The following ANKRD36B variants were observed in gnomAD, a reference collection of about 807,000 sequenced individuals.
ANKRD36B encodes the protein ankyrin repeat domain-containing protein 36B.
In ANKRD36B, 37 loss-of-function variants were observed where a neutral mutation model predicts 135.7. That is an observed-to-expected ratio of 0.27 (90% CI 0.21 to 0.36). The LOEUF (loss-of-function observed/expected upper bound fraction) is 0.36. Among genes scored for constraint, ANKRD36B ranks in the 10% least tolerant of loss-of-function variants. The pLI is 1.00. For synonymous variants in ANKRD36B, 179 were observed against 348.1 expected (o/e 0.51, Z 5.41); for missense variants, 549 against 1,037.1 (o/e 0.53, Z 6.46).
chr2:97,552,698 C>G (rs1404470361), intron 16 of ANKRD36B, among the ~76,000 whole-genome samples: 1 of 151,856 alleles, frequency 6.6e-6, no homozygotes, highest in South Asian at 2.1e-4. Context: ...CTGACAATCC[C>G]TCGTCCTTGG....
chr2:97,547,423 G>A (rs1453395265), intron 22 of ANKRD36B, 113 bp downstream of exon 22: 5 of 1,142,716 alleles, frequency 4.4e-6, no homozygotes, highest in Non-Finnish European at 4.9e-6. Flanking sequence ...AGAATCTCAG[G>A]ACTGCTGAAT....
At chr2:97,575,689 T>A (rs1042567311) in intron 6 of ANKRD36B, among the ~76,000 whole-genome samples, 1 of 150,806 alleles carries the variant, frequency 6.6e-6, no homozygotes, top group African/African-American at 2.4e-5. Flanking sequence ...AATAAAAAAT[T>A]AAGTAAAACA....
chr2:97,564,780 G>A (rs1007977539), intron 6 of ANKRD36B, among the ~76,000 whole-genome samples: 3 of 152,102 alleles, frequency 2.0e-5, no homozygotes, highest in African/African-American at 7.2e-5. Flanking sequence ...CTGTAGCCTT[G>A]TAGTATAGTT....
At position 97,589,819 on chromosome 2, in the gene ANKRD36B, C is replaced by T. The variant is rs28415903; in HGVS notation, c.-134G>A. On this transcript the variant is annotated 5_prime_UTR_variant, in exon 1 of 44. In the 5' UTR this introduces an upstream ATG that the reference lacks. Coordinates refer to ENST00000359901, the MANE Select transcript of ANKRD36B (RefSeq NM_001393939.1). ...AACAACAGGCAAAGCAGTCTGTGCA[C>T]GGACCTCCGCGCAGACTCTCAGCGC... is the stretch of plus-strand genomic sequence containing the variant. The T allele has an allele frequency of 0.6, 819,303 of 1,358,550 alleles. 259,164 individuals are homozygous for T. The highest frequency in any genetic ancestry group is 0.66 in the Non-Finnish European group (651,239 of 981,704). 84.2% of individuals were successfully genotyped at this position (1,358,550 alleles called of 1,614,324 possible).
chr2:97,547,384 A>G (rs1468354038), intron 22 of ANKRD36B, 152 bp downstream of exon 22: 4 of 960,420 alleles, frequency 4.2e-6, no homozygotes, highest in African/African-American at 3.3e-5. Context: ...CAGCAGCAAC[A>G]CTATCACCCA....
At chr2:97,546,482 C>G (rs2079478781) in intron 22 of ANKRD36B, among the ~76,000 whole-genome samples, 1 of 151,682 alleles carries the variant, frequency 6.6e-6, no homozygotes, top group African/African-American at 2.4e-5. Context: ...CTTGTATCCA[C>G]TAGTTTAGAC....
At position 97,550,681 on chromosome 2, in the gene ANKRD36B, C is replaced by T. The variant is rs138699596; in HGVS notation, c.1375+608G>A. ...TTTATGCCAATTCAAGCACTGTTTC[C>T]TGCTTCCAGCACTTGCTGGAGTTGC... On this transcript the variant is annotated intron_variant, in intron 18 of 43. Coordinates refer to ENST00000359901, the MANE Select transcript of ANKRD36B (RefSeq NM_001393939.1). Among the ~76,000 whole-genome samples the T allele has an allele frequency of 6.5e-3, 985 of 151,964 alleles. 35 individuals are homozygous for T. In the East Asian group the frequency reaches 0.1, roughly 16 times the overall value.
chr2:97,522,099 G>C (rs1448190487), intron 36 of ANKRD36B, among the ~76,000 whole-genome samples: 2 of 86,446 alleles, frequency 2.3e-5, no homozygotes, highest in East Asian at 4.9e-4. Flanking sequence ...AAAAATCTTT[G>C]TGACCTTGTG....
At position 97,553,226 on chromosome 2, in the gene ANKRD36B, C is replaced by T. The variant is rs540560227; in HGVS notation, c.1215G>A (p.Glu405=). ...KQQALKATTD[E]EGSVSNIATE... ...TGGCTATATTAGAAACAGAACCTTC[C>T]TCGTCAGTTGTAGCCTGAATGGAAT... is the stretch of plus-strand genomic sequence containing the variant. Residue 405 remains glutamate (E), a synonymous_variant, in exon 16 of 44, where the codon GAG becomes GAA. Transcript: ENST00000359901. The T allele has an allele frequency of 3.1e-6, 5 of 1,610,804 alleles. No homozygotes were observed. In the African/African-American group the frequency reaches 5.4e-5, roughly 17 times the overall value.
chr2:97,514,000 T>G (rs1259045130), intron 37 of ANKRD36B, among the ~76,000 whole-genome samples: 1 of 129,386 alleles, frequency 7.7e-6, no homozygotes, highest in Non-Finnish European at 1.5e-5. Flanking sequence ...CTCATGCTTC[T>G]CTAAAATGTA....
chr2:97,568,252 T>C (rs2081588159), intron 6 of ANKRD36B, among the ~76,000 whole-genome samples: 1 of 152,050 alleles, frequency 6.6e-6, no homozygotes, highest in South Asian at 2.1e-4. Context: ...AAGAGGAAAT[T>C]ACTGTACTTA....
At position 97,531,316 on chromosome 2, in the gene ANKRD36B, A is replaced by G. The variant is rs1168181271; in HGVS notation, c.2265+995T>C. On this transcript the variant is annotated intron_variant, in intron 35 of 43. Transcript: ENST00000359901. ...TAAACTATCGCAAGGACAAAAAACC[A>G]AACACTGCATGCTCTCACTCATAGG... 1.2e-3 allele frequency among the ~76,000 whole-genome samples: 102 copies of G among 81,970 alleles called. 18 individuals carry two copies. The highest frequency in any genetic ancestry group is 3.5e-3 in the African/African-American group (96 of 27,524). The allele number at this position is 81,970 out of a possible 152,430, so 53.8% of individuals were successfully genotyped here. A position where few individuals can be genotyped will look rare whatever the true frequency, so the allele number is the denominator to read the frequency against.
Position 97,541,394 on chromosome 2 carries a change from G to T in ANKRD36B, c.1885+517C>A, listed in dbSNP as rs868240555. ...TGAGTTCACTCAGCTTTCCTCAACA[G>T]AAACCCCAAAATTACATAAATAACT... is the stretch of plus-strand genomic sequence containing the variant. On this transcript the variant is annotated intron_variant, in intron 28 of 43. Transcript: ENST00000359901. Among the ~76,000 whole-genome samples, 127 of 95,564 alleles carry T rather than the reference G, an allele frequency of 1.3e-3. 41 individuals are homozygous for T. In the Middle Eastern group the frequency reaches 0.016, roughly 12 times the overall value. The allele number at this position is 95,564 out of a possible 152,430, so 62.7% of individuals were successfully genotyped here.
chr2:97,555,129 C>T lies in ANKRD36B; in HGVS notation c.1102G>A (p.Ala368Thr), dbSNP rs1353020715. The T allele has an allele frequency of 9.3e-6, 15 of 1,611,694 alleles. No homozygotes were observed. The highest frequency in any genetic ancestry group is 1.7e-6 in the Non-Finnish European group (2 of 1,178,662). Reference sequence around the variant, plus strand: ...AAAGCAGAATCTGTCTTGTCACTTGCAGTCTGAAAGTAATTTGAAGCAAAT... The same window carrying T: ...AAAGCAGAATCTGTCTTGTCACTTGTAGTCTGAAAGTAATTTGAAGCAAAT... The part of the protein sequence containing the change: ...SSQKQPASKT[A>T]SDKTDSALNT... Residue 368 changes from alanine (A) to threonine (T), a missense_variant, in exon 14 of 44, where the codon GCA (alanine) becomes ACA (threonine). By Grantham distance (58) the Ala-to-Thr change is moderately conservative. Coordinates refer to ENST00000359901, the MANE Select transcript of ANKRD36B (RefSeq NM_001393939.1).
chr2:97,549,946 G>C (rs1321161876), intron 18 of ANKRD36B, among the ~76,000 whole-genome samples: 1 of 151,948 alleles, frequency 6.6e-6, no homozygotes. Flanking sequence ...ACACTCCTGA[G>C]AATCAATGTC....
chr2:97,582,660 T>A (rs1333280535), intron 3 of ANKRD36B, among the ~76,000 whole-genome samples: 1 of 152,182 alleles, frequency 6.6e-6, no homozygotes, highest in Non-Finnish European at 1.5e-5. Context: ...ATGGGACACA[T>A]TTGGACTATA....
intron 6 of ANKRD36B, among the ~76,000 whole-genome samples, chr2:97,575,844 C>A (rs2082196921): frequency 6.6e-6 from 1 of 152,024 alleles, no homozygotes; most frequent in African/African-American, 2.4e-5. Context: ...GAAACTACAG[C>A]TTTAACTACT....
At chr2:97,585,993 A>G (rs561879627) in intron 1 of ANKRD36B, among the ~76,000 whole-genome samples, 97 of 152,304 alleles carry the variant, frequency 6.4e-4, no homozygotes, top group Middle Eastern at 3.4e-3. Context: ...TTCATTATTT[A>G]TTACATTTAT....
At position 97,524,920 on chromosome 2, in the gene ANKRD36B, C is replaced by T. The variant is rs1168306066; in HGVS notation, c.2266-1453G>A. 2 of 97,356 alleles carry T rather than the reference C, an allele frequency of 2.1e-5. 1 individual carries two copies. Among genetic ancestry groups the T allele is most frequent in the Admixed American group, 1.8e-4 (2 of 11,006 alleles). The allele number at this position is 97,356 out of a possible 1,614,324, so 6.0% of individuals were successfully genotyped here. A position where few individuals can be genotyped will look rare whatever the true frequency, so the allele number is the denominator to read the frequency against. On this transcript the variant is annotated intron_variant, in intron 35 of 43. Transcript: ENST00000359901. ...CTACTAGTTGTTGAGACAATTTTTG[C>T]ACATGCAAAAGTGGAAGATAAATTT... is the stretch of plus-strand genomic sequence containing the variant.
Sources: allele counts gnomAD v4.1 joint callset (sites outside exome capture counted in the v4.1 genomes callset), GRCh38; gene constraint gnomAD v4.1.1; transcripts MANE v1.5; gene names NCBI Gene and HGNC (gene_info 2026-07-23, HGNC 2026-07-21).